The following ADGRB3 variants were observed in gnomAD, a reference collection of about 807,000 sequenced individuals.
ADGRB3 encodes the protein brain-specific angiogenesis inhibitor 3.
ADGRB3 carries 37 observed loss-of-function variants against 193.4 expected under a neutral mutation model. The observed-to-expected ratio is 0.19, with a 90% CI of 0.15 to 0.25. The LOEUF is 0.25. Among genes scored for constraint, ADGRB3 ranks in the 10% least tolerant of loss-of-function variants. The pLI is 1.00. For missense variants in ADGRB3, 1,637 were observed against 1,852.9 expected, an observed-to-expected ratio of 0.88 and a Z score of 2.14; for synonymous variants, 690 against 644.2, an observed-to-expected ratio of 1.07 and a Z score of -1.08.
chr6:69,072,386 T>C (rs1290431329), intron 16 of ADGRB3, among the ~76,000 whole-genome samples: 1 of 152,152 alleles, frequency 6.6e-6, no homozygotes, highest in East Asian at 1.9e-4. Context: ...ACATGGAGAA[T>C]AAAACTGAAT....
At chr6:68,830,150 T>C (rs1767925588) in intron 3 of ADGRB3, among the ~76,000 whole-genome samples, 1 of 152,188 alleles carries the variant, frequency 6.6e-6, no homozygotes, top group African/African-American at 2.4e-5. Flanking sequence ...ATCATAAGTA[T>C]TTCCATAATC....
chr6:69,223,530 C>A (rs1765943438), intron 17 of ADGRB3, among the ~76,000 whole-genome samples: 1 of 151,680 alleles, frequency 6.6e-6, no homozygotes, highest in Admixed American at 6.6e-5. Context: ...TCAGGTATAG[C>A]CAAGCCACAC....
intron 17 of ADGRB3, among the ~76,000 whole-genome samples, chr6:69,162,563 C>CT (rs924967561): frequency 6.6e-6 from 1 of 152,066 alleles, no homozygotes; most frequent in Non-Finnish European, 1.5e-5. Context: ...ATTCAAATGC[C>CT]TTTCTCTCTC....
At position 68,956,679 on chromosome 6, in the gene ADGRB3, T is replaced by C; in HGVS notation, c.1395T>C (p.Ser465=). 1.9e-6 allele frequency: 3 copies of C among 1,613,582 alleles called. No individual in the cohort carries two copies. Among genetic ancestry groups the C allele is most frequent in the Non-Finnish European group, 2.5e-6 (3 of 1,179,886 alleles). ...AATGGAATCAGTGGGGTCATTGGAGTGGTTGTTCCAAGTCCTGTGATGGCG... is the reference window on the plus strand; with the variant it reads ...AATGGAATCAGTGGGGTCATTGGAGCGGTTGTTCCAAGTCCTGTGATGGCG... The part of the protein sequence containing the change: ...NGQWNQWGHW[S]GCSKSCDGGW... The change falls in exon 8 of 32, where the codon AGT becomes AGC. Residue 465 remains serine (S), a synonymous_variant. Coordinates refer to ENST00000370598, the MANE Select transcript of ADGRB3 (RefSeq NM_001704.3).
intron 17 of ADGRB3, among the ~76,000 whole-genome samples, chr6:69,102,494 G>T (rs987756247): frequency 5.9e-5 from 9 of 152,198 alleles, no homozygotes; most frequent in Non-Finnish European, 1.3e-4. Context: ...CAGCTTTTAA[G>T]AAGCAGCTGT....
chr6:69,180,962 T>C (rs1254757826), intron 17 of ADGRB3, among the ~76,000 whole-genome samples: 1 of 152,076 alleles, frequency 6.6e-6, no homozygotes, highest in Non-Finnish European at 1.5e-5. Flanking sequence ...CCTCACAGAG[T>C]ACCCAAGCCT....
chr6:69,355,885 C>G (rs1214188228), intron 28 of ADGRB3, 25 bp downstream of exon 28: 1 of 1,562,020 alleles, frequency 6.4e-7, no homozygotes, highest in Non-Finnish European at 8.8e-7. Context: ...ATTTTGAAAT[C>G]TAATCAGTAG....
intron 13 of ADGRB3, among the ~76,000 whole-genome samples, chr6:69,029,987 C>CACAA: frequency 6.6e-6 from 1 of 150,432 alleles, no homozygotes. Flanking sequence ...CACACACACA[C>CACAA]ACACACACAC....
intron 16 of ADGRB3, among the ~76,000 whole-genome samples, chr6:69,075,554 A>G (rs937665178): frequency 1.3e-5 from 2 of 152,188 alleles, no homozygotes; most frequent in African/African-American, 4.8e-5. Context: ...AACATCAACT[A>G]GAGGCTGAAG....
intron 3 of ADGRB3, among the ~76,000 whole-genome samples, chr6:68,762,495 T>G (rs560875697): frequency 4.0e-5 from 6 of 151,652 alleles, no homozygotes; most frequent in African/African-American, 1.5e-4. Context: ...AATATATATA[T>G]ATAGAGAGAG....
chr6:68,743,067 C>T (rs932481130), intron 3 of ADGRB3, among the ~76,000 whole-genome samples: 4 of 151,970 alleles, frequency 2.6e-5, no homozygotes, highest in Non-Finnish European at 5.9e-5. Flanking sequence ...ATTTCGTGAG[C>T]TCTTTCAGTC....
chr6:69,218,737 A>G (rs62406843), intron 17 of ADGRB3, among the ~76,000 whole-genome samples: 21,842 of 152,126 alleles, frequency 0.14, 1,621 homozygotes, highest in Middle Eastern at 0.16. Context: ...CCTTAGGAAG[A>G]GAATGAAAGT....
At chr6:68,929,887 G>A (rs1481246036) in intron 3 of ADGRB3, among the ~76,000 whole-genome samples, 2 of 151,494 alleles carry the variant, frequency 1.3e-5, no homozygotes, top group African/African-American at 4.9e-5. Flanking sequence ...TCAAATAACA[G>A]AAGGCTAGAA....
intron 3 of ADGRB3, among the ~76,000 whole-genome samples, chr6:68,817,343 ATATATATATATATATAT>A (rs1767656460): frequency 2.0e-5 from 2 of 101,890 alleles, no homozygotes; most frequent in African/African-American, 1.2e-4. Context: ...ATATATATAT[ATATATATATATATATAT>A]AATTTCTGAC....
intron 8 of ADGRB3, among the ~76,000 whole-genome samples, chr6:68,960,039 G>C (rs1768188597): frequency 6.6e-6 from 1 of 152,120 alleles, no homozygotes; most frequent in Non-Finnish European, 1.5e-5. Flanking sequence ...CAGAAAGCAA[G>C]TGTTACTGCT....
intron 17 of ADGRB3, among the ~76,000 whole-genome samples, chr6:69,221,273 T>G (rs918835424): frequency 1.1e-4 from 17 of 152,216 alleles, no homozygotes; most frequent in Non-Finnish European, 2.2e-4. Context: ...TATTGGAATT[T>G]AAATATCAAC....
intron 23 of ADGRB3, chr6:69,332,323 A>G: frequency 3.0e-6 from 3 of 985,460 alleles, no homozygotes; most frequent in Non-Finnish European, 3.6e-6. Flanking sequence ...CATATTTTAA[A>G]AATTGGCACT....
At chr6:68,704,164 A>G (rs949736559) in intron 3 of ADGRB3, among the ~76,000 whole-genome samples, 4 of 152,182 alleles carry the variant, frequency 2.6e-5, no homozygotes, top group African/African-American at 9.6e-5. Context: ...AGGTTGTCCA[A>G]ATTTATTATA....
chr6:69,209,173 T>C (rs1765602678), intron 17 of ADGRB3, among the ~76,000 whole-genome samples: 1 of 152,184 alleles, frequency 6.6e-6, no homozygotes, highest in Non-Finnish European at 1.5e-5. Flanking sequence ...CCTGGACCTG[T>C]TGCAGAACCT....
Sources: allele counts gnomAD v4.1 joint callset (sites outside exome capture counted in the v4.1 genomes callset), GRCh38; gene constraint gnomAD v4.1.1; transcripts MANE v1.5; gene names NCBI Gene and HGNC (gene_info 2026-07-23, HGNC 2026-07-21).